The following VPS37A variants were observed in gnomAD, a reference collection of about 807,000 sequenced individuals.
VPS37A encodes vacuolar protein sorting-associated protein 37A.
Under a neutral mutation model 49.8 loss-of-function variants are expected in VPS37A, and 30 were observed. The observed-to-expected ratio is 0.60, with a 90% confidence interval of 0.45 to 0.82. The LOEUF (loss-of-function observed/expected upper bound fraction) is 0.82, where lower values mean the gene tolerates loss of function less well. Among genes scored for constraint, VPS37A ranks in the 40% least tolerant of loss-of-function variants. VPS37A has a pLI of 0.00. For missense variants in VPS37A, 593 were observed against 464.4 expected, an observed-to-expected ratio of 1.28 and a Z score of -2.55; for synonymous variants, 195 against 160.6, an observed-to-expected ratio of 1.21 and a Z score of -1.62.
chr8:17,268,386 A>C lies in VPS37A; in HGVS notation c.315+14A>C, dbSNP rs59713854. 9.1e-4 allele frequency: 1,407 copies of C among 1,541,788 alleles called. 17 individuals carry two copies. The African/African-American group carries it at 0.016, about 18-fold the overall frequency. ...TTAGTAAACAATGTATGTATATGGG[A>C]TAATTTATTTCAGGGTAATATAATA... is the stretch of plus-strand genomic sequence containing the variant. On this transcript the variant is annotated intron_variant, in intron 3 of 11. Coordinates refer to ENST00000324849, the MANE Select transcript of VPS37A (RefSeq NM_152415.3).
the VPS37A span, among the ~76,000 whole-genome samples, chr8:17,312,904 C>T: frequency 6.6e-6 from 1 of 152,190 alleles, no homozygotes; most frequent in East Asian, 1.9e-4. Context: ...ACTCTACCTT[C>T]CAGCTACAGG....
rs1048637409 is a variant in VPS37A, at chr8:17,259,498, T to A, written c.126-6409T>A. On this transcript the variant is annotated intron_variant, in intron 1 of 11. Transcript: ENST00000324849. ...GACTTGTTTTCTGGCCTAAGATATG[T>A]TCTGTTCTGGAGAATGTTCCATGTG... 2.0e-5 allele frequency among the ~76,000 whole-genome samples: 3 copies of A among 152,132 alleles called. No individual in the cohort carries two copies. The East Asian group carries it at 5.8e-4, about 29-fold the overall frequency.
chr8:17,259,559 C>T (rs1003017366), intron 1 of VPS37A, among the ~76,000 whole-genome samples: 33 of 152,056 alleles, frequency 2.2e-4, no homozygotes, highest in Non-Finnish European at 1.2e-4. Context: ...CAATTGAGTG[C>T]AGTGTTCTGT....
chr8:17,281,274 G>T (rs1815030596), intron 9 of VPS37A, among the ~76,000 whole-genome samples: 1 of 152,050 alleles, frequency 6.6e-6, no homozygotes, highest in South Asian at 2.1e-4. Flanking sequence ...ACATTTTACA[G>T]ATAGGGAAAC....
chr8:17,247,071 TC>T lies in VPS37A; in HGVS notation c.-169del. The stretch of plus-strand genomic sequence containing the variant: ...CCAGCCGCCCGCCGTTCGTAGCATG[TC>T]CCCCAGAACTCGGGGAGCGCAGGCA... On this transcript the variant is annotated 5_prime_UTR_variant, in exon 1 of 12. It removes the in-frame stop codon of an upstream open reading frame in the 5' UTR. Transcript: ENST00000324849. The T allele has an allele frequency of 1.2e-6, 1 of 803,402 alleles. No individual in the cohort carries two copies. The highest frequency in any genetic ancestry group is 1.9e-6 in the Non-Finnish European group (1 of 520,650). The allele number at this position is 803,402 out of a possible 1,614,324, so 49.8% of individuals were successfully genotyped here. A position where few individuals can be genotyped will look rare whatever the true frequency, so the allele number is the denominator to read the frequency against.
At chr8:17,299,903 T>C (rs1317359776), downstream of VPS37A, 1 of 1,614,044 alleles carries the variant, frequency 6.2e-7, no homozygotes. Flanking sequence ...TCCCGGTCCT[T>C]GCCACTATCT....
At chr8:17,278,473 A>G (rs530645531) in intron 6 of VPS37A, among the ~76,000 whole-genome samples, 6 of 152,218 alleles carry the variant, frequency 3.9e-5, no homozygotes, top group South Asian at 4.1e-4. Context: ...ACCTGTCACA[A>G]TAATGAGTTG....
chr8:17,304,230 GATCAGAT>G, downstream of VPS37A: 1 of 802,184 alleles, frequency 1.2e-6, no homozygotes, highest in South Asian at 3.7e-5. Context: ...AAAAATACCA[GATCAGAT>G]ATTCAAGCAT....
At chr8:17,292,295 C>CT (rs1426820072) in intron 11 of VPS37A, among the ~76,000 whole-genome samples, 5 of 151,902 alleles carry the variant, frequency 3.3e-5, no homozygotes, top group Admixed American at 6.6e-5. Flanking sequence ...GCAACCCCTG[C>CT]TTTTTTTTAC....
rs1816806097 is a variant in VPS37A, at chr8:17,297,789, T to TAA, written c.*2805_*2806dup. 1 of 152,028 alleles carries TAA rather than the reference T, an allele frequency of 6.6e-6. No homozygotes were observed. The highest frequency in any genetic ancestry group is 2.1e-4 in the South Asian group (1 of 4,834). 9.4% of individuals were successfully genotyped at this position (152,028 alleles called of 1,614,324 possible). A position where few individuals can be genotyped will look rare whatever the true frequency, so the allele number is the denominator to read the frequency against. On this transcript the variant is annotated 3_prime_UTR_variant, in exon 12 of 12. Transcript: ENST00000324849. ...CTCTGAAGAATCTGTGAAAGTACAG[T>TAA]AAAGTTTTAATAAGCAATAAATGTA...
intron 9 of VPS37A, among the ~76,000 whole-genome samples, chr8:17,280,859 A>G (rs1056786505): frequency 2.6e-5 from 4 of 152,036 alleles, no homozygotes; most frequent in African/African-American, 9.7e-5. Flanking sequence ...AATAAGTTTT[A>G]TGCTAGAAAT....
In VPS37A at chr8:17,248,430, A is replaced by G. The variant is rs960161184; in HGVS notation, c.125+1061A>G. 8 of 453,004 alleles carry G rather than the reference A, an allele frequency of 1.8e-5. 1 individual carries two copies. The highest frequency in any genetic ancestry group is 1.2e-4 in the African/African-American group (6 of 49,822). The allele number at this position is 453,004 out of a possible 1,614,324, so 28.1% of individuals were successfully genotyped here. A position where few individuals can be genotyped will look rare whatever the true frequency, so the allele number is the denominator to read the frequency against. On this transcript the variant is annotated intron_variant, in intron 1 of 11. Coordinates refer to ENST00000324849, the MANE Select transcript of VPS37A (RefSeq NM_152415.3). ...GCTGGGATTACAGGTGCGCGCCACC[A>G]TGCGCGGCTAATATTTTGTATTTTT...
the VPS37A span, among the ~76,000 whole-genome samples, chr8:17,327,703 C>T: frequency 5.0e-3 from 760 of 151,858 alleles, 3 homozygotes; most frequent in African/African-American, 0.014. Flanking sequence ...TTAAATAATA[C>T]GATAAATATT....
In VPS37A at chr8:17,259,023, A is replaced by G. The variant is rs191736306; in HGVS notation, c.126-6884A>G. Among the ~76,000 whole-genome samples the G allele has an allele frequency of 1.2e-4, 18 of 151,950 alleles. 1 individual carries two copies. In the South Asian group the frequency reaches 3.5e-3, roughly 30 times the overall value. On this transcript the variant is annotated intron_variant, in intron 1 of 11. Transcript: ENST00000324849. ...AGTTCATCTAGCTAAAGGCTTGATG[A>G]TTTTATCTTTTCAAATAACCAACTT... is the stretch of plus-strand genomic sequence containing the variant.
intron 1 of VPS37A, among the ~76,000 whole-genome samples, chr8:17,252,151 A>G (rs1323941796): frequency 6.6e-6 from 1 of 152,146 alleles, no homozygotes; most frequent in Non-Finnish European, 1.5e-5. Flanking sequence ...CAATTTTTGT[A>G]TTAAAATTTC....
At chr8:17,320,512 T>C in the VPS37A span, among the ~76,000 whole-genome samples, 1 of 152,162 alleles carries the variant, frequency 6.6e-6, no homozygotes, top group African/African-American at 2.4e-5. Flanking sequence ...CATGTAATCG[T>C]AGTAAGGAGG....
chr8:17,273,384 G>C (rs1315712411), intron 4 of VPS37A, among the ~76,000 whole-genome samples: 1 of 152,068 alleles, frequency 6.6e-6, no homozygotes, highest in Admixed American at 6.6e-5. Context: ...ACCAGTTTCT[G>C]TTCCTATACA....
In VPS37A at chr8:17,251,455, G is replaced by A. The variant is rs187619872; in HGVS notation, c.125+4086G>A. 2.8e-4 allele frequency among the ~76,000 whole-genome samples: 42 copies of A among 152,290 alleles called. 1 individual carries two copies. Among genetic ancestry groups the A allele is most frequent in the African/African-American group, 9.4e-4 (39 of 41,548 alleles). The stretch of plus-strand genomic sequence containing the variant: ...AGTATCTAGCACATAGTAGGCATAG[G>A]ACGAATTACATTCCTTCTTTCTACT... On this transcript the variant is annotated intron_variant, in intron 1 of 11. Coordinates refer to ENST00000324849, the MANE Select transcript of VPS37A (RefSeq NM_152415.3).
At chr8:17,304,681 G>A (rs568220769), downstream of VPS37A, among the ~76,000 whole-genome samples, 1 of 151,524 alleles carries the variant, frequency 6.6e-6, no homozygotes, top group East Asian at 1.9e-4. Context: ...ATGGTATAGA[G>A]GGAGAACACT....
Sources: gnomAD v4.1 joint callset for allele counts (sites outside exome capture counted in the v4.1 genomes callset) on GRCh38, gnomAD v4.1.1 for gene constraint, MANE v1.5 for transcripts, NCBI Gene and HGNC (gene_info 2026-07-23, HGNC 2026-07-21) for gene names.